The following DOCK10 variants were observed in gnomAD, a reference collection of about 807,000 sequenced individuals.
DOCK10 encodes dedicator of cytokinesis protein 10.
DOCK10 carries 145 observed loss-of-function variants against 280.1 expected under a neutral mutation model. The observed-to-expected ratio is 0.52, with a 90% confidence interval of 0.45 to 0.59. The LOEUF (loss-of-function observed/expected upper bound fraction) is 0.59. DOCK10 is among the 20% of genes least tolerant of loss of function. The pLI is 0.00. For missense variants in DOCK10, 2,368 were observed against 2,651.7 expected (o/e 0.89, Z 2.35); for synonymous variants, 915 against 942.2 (o/e 0.97, Z 0.53).
intron 3 of DOCK10, among the ~76,000 whole-genome samples, chr2:224,903,019 A>G (rs896500364): frequency 1.3e-5 from 2 of 151,952 alleles, no homozygotes; most frequent in Non-Finnish European, 2.9e-5. Flanking sequence ...AACGGCGTGA[A>G]CCCGGGAGGC....
chr2:224,987,204 C>A (rs900474842), intron 1 of DOCK10, among the ~76,000 whole-genome samples: 3 of 152,254 alleles, frequency 2.0e-5, no homozygotes, highest in South Asian at 2.1e-4. Context: ...AGGTGGGAAA[C>A]TTTTTCAGCA....
intron 53 of DOCK10, among the ~76,000 whole-genome samples, chr2:224,771,360 A>G (rs1179885426): frequency 6.6e-6 from 1 of 152,204 alleles, no homozygotes; most frequent in African/African-American, 2.4e-5. Context: ...TTTCTTTTCT[A>G]TTAACACTCA....
At chr2:224,991,741 TGACA>T (rs1272578259) in intron 1 of DOCK10, among the ~76,000 whole-genome samples, 1 of 152,104 alleles carries the variant, frequency 6.6e-6, no homozygotes, top group Non-Finnish European at 1.5e-5. Context: ...AAGGGACAGA[TGACA>T]GACAATCTGA....
intron 1 of DOCK10, among the ~76,000 whole-genome samples, chr2:225,035,587 T>TATATAA (rs1553634969): frequency 1.5e-4 from 17 of 111,226 alleles, no homozygotes; most frequent in African/African-American, 5.6e-4. Context: ...TATATATATA[T>TATATAA]AACACTGAAT....
intron 1 of DOCK10, among the ~76,000 whole-genome samples, chr2:225,016,682 T>C (rs1230343166): frequency 8.1e-6 from 1 of 123,070 alleles, no homozygotes; most frequent in East Asian, 2.6e-4. Flanking sequence ...TATGTGCACA[T>C]AGATATATGT....
intron 44 of DOCK10, among the ~76,000 whole-genome samples, chr2:224,796,081 C>A (rs969538973): frequency 2.6e-5 from 4 of 151,424 alleles, no homozygotes; most frequent in Non-Finnish European, 4.4e-5. Context: ...ATTTTAGAGA[C>A]AAGGTCTTGC....
Position 224,853,000 on chromosome 2 carries a change from A to G in DOCK10, c.2011T>C (p.Tyr671His), listed in dbSNP as rs778950533. Residue 671 changes from tyrosine (Y) to histidine (H), a missense_variant, in exon 17 of 56, where the codon TAT becomes CAT. This residue lies in a region of DOCK10 where 1,209 missense variants were observed against 1,250.9 expected (regional missense o/e 0.97). Transcript: ENST00000258390. The part of the protein sequence containing the change: ...STKYCRPYRV[Y>H]KNQIYIYPKH... ...GGGTAAATATAAATTTGATTTTTAT[A>G]TACTCTGTAAGGCCGACAATACTTT... 30 of 1,611,772 alleles carry G rather than the reference A, an allele frequency of 1.9e-5. No individual in the cohort carries two copies. Among genetic ancestry groups the G allele is most frequent in the Admixed American group, 1.8e-4 (11 of 59,936 alleles).
At chr2:225,016,041 GT>G (rs1689581002) in intron 1 of DOCK10, among the ~76,000 whole-genome samples, 1 of 152,184 alleles carries the variant, frequency 6.6e-6, no homozygotes, top group Non-Finnish European at 1.5e-5. Context: ...GGGATAGCAT[GT>G]GCTAAAATTC....
chr2:224,893,969 T>C (rs189572170), intron 4 of DOCK10, among the ~76,000 whole-genome samples: 85 of 152,350 alleles, frequency 5.6e-4, no homozygotes, highest in South Asian at 1.7e-3. Context: ...AAAGAATAAT[T>C]CTGCTGTTCA....
At chr2:224,784,833 G>C (rs1691625617) in intron 50 of DOCK10, 3 of 1,154,350 alleles carry the variant, frequency 2.6e-6, no homozygotes. Context: ...ACCTGCTTTA[G>C]AGCCCATATC....
In DOCK10 at chr2:224,807,798, T is replaced by G. The variant is rs1014109519; in HGVS notation, c.3586-14A>C. 29 of 1,562,272 alleles carry G rather than the reference T, an allele frequency of 1.9e-5. No individual in the cohort carries two copies. Among genetic ancestry groups the G allele is most frequent in the Non-Finnish European group, 2.3e-5 (27 of 1,151,974 alleles). Reference sequence around the variant, plus strand: ...GGCCTGCTTTCTCTAGGAGAAAAGGTAGCCAAAAGAAATGATTCATGTAAA... The same window carrying G: ...GGCCTGCTTTCTCTAGGAGAAAAGGGAGCCAAAAGAAATGATTCATGTAAA... On this transcript the variant is annotated splice_polypyrimidine_tract_variant and intron_variant, in intron 32 of 55. Transcript: ENST00000258390.
intron 1 of DOCK10, among the ~76,000 whole-genome samples, chr2:225,001,506 T>C (rs1706429853): frequency 6.6e-6 from 1 of 152,054 alleles, no homozygotes; most frequent in Non-Finnish European, 1.5e-5. Flanking sequence ...GCCAGGATGG[T>C]CTTGATCTCC....
chr2:224,927,129 T>C (rs1702081074), intron 2 of DOCK10, among the ~76,000 whole-genome samples: 1 of 152,028 alleles, frequency 6.6e-6, no homozygotes, highest in South Asian at 2.1e-4. Context: ...TAAACTGAGT[T>C]GTGACTGAAA....
At chr2:225,033,982 AAC>A (rs1294190903) in intron 1 of DOCK10, among the ~76,000 whole-genome samples, 1 of 152,250 alleles carries the variant, frequency 6.6e-6, no homozygotes, top group African/African-American at 2.4e-5. Context: ...ATGTCTGAGC[AAC>A]AGTGTCCAAA....
chr2:224,956,754 T>C (rs1704068016), intron 1 of DOCK10, among the ~76,000 whole-genome samples: 1 of 151,440 alleles, frequency 6.6e-6, no homozygotes, highest in Non-Finnish European at 1.5e-5. Flanking sequence ...CAGAAAATCA[T>C]ATAATAGTGC....
Position 225,002,631 on chromosome 2 carries a change from G to A in DOCK10, c.123+39621C>T, listed in dbSNP as rs12474176. Among the ~76,000 whole-genome samples, 1,518 of 152,302 alleles carry A rather than the reference G, an allele frequency of 1.0e-2. 16 individuals are homozygous for A. Among genetic ancestry groups the A allele is most frequent in the Middle Eastern group, 0.02 (6 of 294 alleles). On this transcript the variant is annotated intron_variant, in intron 1 of 55. Coordinates refer to ENST00000258390, the MANE Select transcript of DOCK10 (RefSeq NM_014689.3). Reference sequence around the variant, plus strand: ...CTCATCATAGTGAGACAATGGCCACGCCATGCCACGAGGAGCTAGTTGCAT... The same window carrying A: ...CTCATCATAGTGAGACAATGGCCACACCATGCCACGAGGAGCTAGTTGCAT...
intron 28 of DOCK10, among the ~76,000 whole-genome samples, chr2:224,821,428 G>A (rs1036287926): frequency 6.6e-6 from 1 of 152,138 alleles, no homozygotes; most frequent in Non-Finnish European, 1.5e-5. Flanking sequence ...CACTAGGAGT[G>A]GGCTGTGTTG....
intron 2 of DOCK10, among the ~76,000 whole-genome samples, chr2:224,921,393 A>C (rs1340695897): frequency 2.6e-5 from 4 of 151,590 alleles, no homozygotes; most frequent in Non-Finnish European, 5.9e-5. Flanking sequence ...AAGTTTCTGG[A>C]ATGTAGGCTT....
intron 1 of DOCK10, among the ~76,000 whole-genome samples, chr2:224,973,252 T>G (rs1705197696): frequency 6.6e-6 from 1 of 152,156 alleles, no homozygotes; most frequent in Admixed American, 6.5e-5. Flanking sequence ...AACAGCCCCT[T>G]AACAACGTAC....
Sources: gnomAD v4.1 joint callset for allele counts (sites outside exome capture counted in the v4.1 genomes callset) on GRCh38, gnomAD v4.1.1 for gene constraint, gnomAD v4.1.1 regional missense constraint, MANE v1.5 for transcripts, NCBI Gene and HGNC (gene_info 2026-07-23, HGNC 2026-07-21) for gene names.